Variants in AHCYL2 observed in about 807,000 individuals in gnomAD.
AHCYL2 encodes the protein adenosylhomocysteinase like 2.
AHCYL2 carries 28 observed loss-of-function variants against 81.4 expected under a neutral mutation model. The observed-to-expected ratio is 0.34, with a 90% CI of 0.25 to 0.47. The LOEUF is 0.47. Ranked by LOEUF, AHCYL2 falls within the 20% of genes least tolerant of loss-of-function variation. The probability of loss-of-function intolerance (pLI) is 1.00; values close to 1 mark genes in which losing one functional copy is unlikely to be tolerated. For missense variants in AHCYL2, 551 were observed against 785.1 expected (o/e 0.70, Z 3.56); for synonymous variants, 272 against 290.2 (o/e 0.94, Z 0.64).
chr7:129,375,173 A>C (rs922414283), intron 1 of AHCYL2, among the ~76,000 whole-genome samples: 4 of 152,194 alleles, frequency 2.6e-5, no homozygotes, highest in Admixed American at 2.0e-4. Context: ...TAGAAACCAA[A>C]TGTCAAAACC....
intron 2 of AHCYL2, among the ~76,000 whole-genome samples, chr7:129,387,763 A>G (rs1306451029): frequency 6.6e-6 from 1 of 152,188 alleles, no homozygotes; most frequent in Non-Finnish European, 1.5e-5. Context: ...GGGAACCACA[A>G]ACTTTTTGTA....
chr7:129,249,631 T>C (rs1795182084), intron 1 of AHCYL2, among the ~76,000 whole-genome samples: 1 of 151,922 alleles, frequency 6.6e-6, no homozygotes, highest in South Asian at 2.1e-4. Context: ...TTCACCTTGT[T>C]AGCCAGGATG....
intron 1 of AHCYL2, among the ~76,000 whole-genome samples, chr7:129,230,787 G>T (rs1165597489): frequency 3.3e-5 from 5 of 151,012 alleles, no homozygotes; most frequent in Non-Finnish European, 7.4e-5. Flanking sequence ...TGTCTAGGCT[G>T]GTCGTGAACT....
At chr7:129,331,875 A>G (rs1274202099) in intron 1 of AHCYL2, among the ~76,000 whole-genome samples, 1 of 150,990 alleles carries the variant, frequency 6.6e-6, no homozygotes, top group African/African-American at 2.4e-5. Flanking sequence ...AAAAATATAT[A>G]TATATATAAT....
chr7:129,300,261 A>G (rs1245894763), intron 1 of AHCYL2, among the ~76,000 whole-genome samples: 1 of 152,062 alleles, frequency 6.6e-6, no homozygotes, highest in Non-Finnish European at 1.5e-5. Flanking sequence ...TTTTGTACCC[A>G]TGAGCCATCC....
At chr7:129,313,379 C>A (rs1345485416) in intron 1 of AHCYL2, among the ~76,000 whole-genome samples, 1 of 152,118 alleles carries the variant, frequency 6.6e-6, no homozygotes, top group East Asian at 1.9e-4. Flanking sequence ...AGGATTTGGG[C>A]AATGTAGATT....
At chr7:129,249,119 C>A (rs1215418063) in intron 1 of AHCYL2, among the ~76,000 whole-genome samples, 1 of 151,344 alleles carries the variant, frequency 6.6e-6, no homozygotes, top group African/African-American at 2.4e-5. Flanking sequence ...TACTGCAGCC[C>A]CCGGAGTAGC....
At chr7:129,321,743 G>GTTTTTTTTTTTTTTTTTTTTTTCTTTTTT in intron 1 of AHCYL2, among the ~76,000 whole-genome samples, 1 of 77,626 alleles carries the variant, frequency 1.3e-5, no homozygotes, top group Non-Finnish European at 2.5e-5. Context: ...TTCTTTCTTT[G>GTTTTTTTTTTTTTTTTTTTTTTCTTTTTT]TTTTTTTTTT....
At chr7:129,262,328 A>G (rs1269010302) in intron 1 of AHCYL2, among the ~76,000 whole-genome samples, 1 of 152,244 alleles carries the variant, frequency 6.6e-6, no homozygotes, top group Non-Finnish European at 1.5e-5. Context: ...AGGAGTCATG[A>G]ATATTTATGA....
At chr7:129,408,626 C>T (rs1452176678) in intron 10 of AHCYL2, among the ~76,000 whole-genome samples, 1 of 152,136 alleles carries the variant, frequency 6.6e-6, no homozygotes. Context: ...TGATCCTTGG[C>T]TATGAAGCTT....
At chr7:129,309,293 C>A (rs542196219) in intron 1 of AHCYL2, among the ~76,000 whole-genome samples, 2 of 151,762 alleles carry the variant, frequency 1.3e-5, no homozygotes, top group African/African-American at 4.8e-5. Context: ...AATCCCAGCA[C>A]TTTGGGAGGC....
intron 1 of AHCYL2, among the ~76,000 whole-genome samples, chr7:129,303,992 C>T (rs1275267414): frequency 1.3e-5 from 2 of 152,044 alleles, no homozygotes; most frequent in African/African-American, 2.4e-5. Context: ...GAGGCTGAGG[C>T]GCAAGACTCA....
chr7:129,270,644 C>T (rs766430029), intron 1 of AHCYL2, among the ~76,000 whole-genome samples: 7 of 152,170 alleles, frequency 4.6e-5, no homozygotes, highest in East Asian at 1.9e-4. Context: ...GCTAAAGTTA[C>T]GGCTGCTCTG....
At chr7:129,325,819 C>G (rs1342081444) in intron 1 of AHCYL2, among the ~76,000 whole-genome samples, 1 of 151,942 alleles carries the variant, frequency 6.6e-6, no homozygotes, top group African/African-American at 2.4e-5. Context: ...GATTCTCCCG[C>G]CTCAGCCTCC....
At chr7:129,240,482 G>A (rs1794814702) in intron 1 of AHCYL2, among the ~76,000 whole-genome samples, 2 of 152,086 alleles carry the variant, frequency 1.3e-5, no homozygotes, top group Non-Finnish European at 2.9e-5. Flanking sequence ...ACTTTTAACT[G>A]AGCCAGAAAA....
At chr7:129,231,055 A>G (rs1794418398) in intron 1 of AHCYL2, among the ~76,000 whole-genome samples, 1 of 151,532 alleles carries the variant, frequency 6.6e-6, no homozygotes, top group Non-Finnish European at 1.5e-5. Context: ...ATGTGGTGAA[A>G]CCCTGTCTCC....
chr7:129,321,073 A>C (rs1211533052), intron 1 of AHCYL2, among the ~76,000 whole-genome samples: 1 of 152,164 alleles, frequency 6.6e-6, no homozygotes, highest in Non-Finnish European at 1.5e-5. Flanking sequence ...GCTTTAGTAC[A>C]GTTTTTTTTG....
chr7:129,343,531 C>G (rs902216652), intron 1 of AHCYL2, among the ~76,000 whole-genome samples: 1 of 152,020 alleles, frequency 6.6e-6, no homozygotes, highest in Non-Finnish European at 1.5e-5. Context: ...AGAAATAGAC[C>G]TCTACCTATA....
chr7:129,406,328 TG>T lies in AHCYL2; in HGVS notation c.1207-48del. On this transcript the variant is annotated intron_variant, in intron 9 of 16. Coordinates refer to ENST00000325006, the MANE Select transcript of AHCYL2 (RefSeq NM_015328.4). The surrounding 1 kb of genome is among the most constrained non-coding windows in gnomAD (Gnocchi z 4.3). ...GCACTTTACCAGAAGCTTTGAGAAATGGTTTTCTCAGTGACTTTCCTTAATA... is the reference window on the plus strand; with the variant it reads ...GCACTTTACCAGAAGCTTTGAGAAATGTTTTCTCAGTGACTTTCCTTAATA... 2.6e-6 allele frequency: 4 copies of T among 1,536,664 alleles called. No individual in the cohort carries two copies. The highest frequency in any genetic ancestry group is 2.7e-6 in the Non-Finnish European group (3 of 1,110,328).
Sources: gnomAD v4.1 joint callset for allele counts (sites outside exome capture counted in the v4.1 genomes callset) on GRCh38, gnomAD v4.1.1 for gene constraint, Gnocchi (gnomAD v3.1) non-coding constraint, MANE v1.5 for transcripts, NCBI Gene and HGNC (gene_info 2026-07-23, HGNC 2026-07-21) for gene names.